PRKAR2A: variants seen among roughly 807,000 people sequenced by gnomAD.
PRKAR2A encodes the protein protein kinase cAMP-dependent type II regulatory subunit alpha.
In PRKAR2A, 29 loss-of-function variants were observed where a neutral mutation model predicts 51.9. The ratio of observed to expected loss-of-function variants is 0.56; its 90% CI spans 0.42 to 0.76. PRKAR2A has a LOEUF of 0.76. Ranked by LOEUF, PRKAR2A falls within the 30% of genes least tolerant of loss-of-function variation. PRKAR2A has a pLI of 0.00. For missense variants in PRKAR2A, 445 were observed against 512.1 expected (o/e 0.87, Z 1.26); for synonymous variants, 178 against 186.2 (o/e 0.96, Z 0.36).
chr3:48,823,941 C>G (rs148413113), intron 1 of PRKAR2A, among the ~76,000 whole-genome samples: 5 of 151,710 alleles, frequency 3.3e-5, no homozygotes, highest in Non-Finnish European at 5.9e-5. Flanking sequence ...AGAACAAGGG[C>G]CAGGGCCGGG....
At chr3:48,778,797 C>T (rs550374043) in intron 5 of PRKAR2A, among the ~76,000 whole-genome samples, 16 of 146,288 alleles carry the variant, frequency 1.1e-4, no homozygotes, top group Non-Finnish European at 1.8e-4. Flanking sequence ...GGATTACAGG[C>T]GTGAGCCACG....
rs756313030 is a variant in PRKAR2A, at chr3:48,838,488, TC to T, written c.262+8846del. Among the ~76,000 whole-genome samples the T allele has an allele frequency of 2.2e-4, 33 of 151,092 alleles. No homozygotes were observed. The East Asian group carries it at 6.3e-3, about 29-fold the overall frequency. ...TGGGCATGGTGGCACATGCCGGTAATCCCAGCTACTTAGGAGACTGAGGCAC... is the reference window on the plus strand; with the variant it reads ...TGGGCATGGTGGCACATGCCGGTAATCCAGCTACTTAGGAGACTGAGGCAC... On this transcript the variant is annotated intron_variant, in intron 1 of 10. Coordinates refer to ENST00000265563, the MANE Select transcript of PRKAR2A (RefSeq NM_004157.4).
intron 8 of PRKAR2A, among the ~76,000 whole-genome samples, chr3:48,764,480 A>G (rs2081908533): frequency 6.6e-6 from 1 of 152,202 alleles, no homozygotes; most frequent in Admixed American, 6.5e-5. Context: ...AAACACTAGA[A>G]GCCAAGGAAA....
chr3:48,847,099 G>A lies in PRKAR2A; in HGVS notation c.262+236C>T, dbSNP rs1483839255. ...CAGCGCGCACGTTTCCTTCAAGGCT[G>A]GATCTGACAAATCACTCGGTGCGCT... On this transcript the variant is annotated intron_variant, in intron 1 of 10. Transcript: ENST00000265563. This position sits in a 1 kb window ranked among gnomAD's most constrained non-coding sequence, Gnocchi z 4.4. Among the ~76,000 whole-genome samples the A allele has an allele frequency of 6.6e-6, 1 of 152,226 alleles. No homozygotes were observed. Among genetic ancestry groups the A allele is most frequent in the Admixed American group, 6.5e-5 (1 of 15,278 alleles).
chr3:48,821,069 G>GT (rs2082951616), intron 1 of PRKAR2A, among the ~76,000 whole-genome samples: 1 of 152,174 alleles, frequency 6.6e-6, no homozygotes, highest in Non-Finnish European at 1.5e-5. Context: ...AACACAGACT[G>GT]TAACAGTAGG....
intron 6 of PRKAR2A, among the ~76,000 whole-genome samples, chr3:48,766,588 TA>T: frequency 1.3e-5 from 2 of 151,576 alleles, no homozygotes; most frequent in East Asian, 3.9e-4. Context: ...AAAATAAAAA[TA>T]AAAAGTCTAC....
intron 1 of PRKAR2A, among the ~76,000 whole-genome samples, chr3:48,810,803 A>C (rs1005843587): frequency 6.6e-6 from 1 of 152,158 alleles, no homozygotes; most frequent in African/African-American, 2.4e-5. Context: ...ATTGCCTAGA[A>C]AAAGAAATTA....
intron 3 of PRKAR2A, among the ~76,000 whole-genome samples, chr3:48,791,506 A>G (rs2082385435): frequency 6.9e-6 from 1 of 145,268 alleles, no homozygotes; most frequent in African/African-American, 2.5e-5. Flanking sequence ...AGGTAGGAGA[A>G]TCGTCTGAAC....
Position 48,847,443 on chromosome 3 carries a change from C to A in PRKAR2A, c.154G>T (p.Ala52Ser). 1 of 1,579,186 alleles carries A rather than the reference C, an allele frequency of 6.3e-7. No homozygotes were observed. Among genetic ancestry groups the A allele is most frequent in the Non-Finnish European group, 8.6e-7 (1 of 1,162,578 alleles). Residue 52 changes from alanine to serine, a missense_variant, in exon 1 of 11, where the codon GCC (alanine) becomes TCC (serine). Ala to Ser is a moderately conservative substitution (Grantham distance 99, BLOSUM62 1). Transcript: ENST00000265563. This position sits in a 1 kb window ranked among gnomAD's most constrained non-coding sequence, Gnocchi z 4.4. ...CCCAGGCTCTGGCGTGGGGTGGCGG[C>A]GGGCAGGACTGAGGCTGGGGCGCGG... ...EARAPASVLP[A>S]ATPRQSLGHP...
intron 1 of PRKAR2A, among the ~76,000 whole-genome samples, chr3:48,828,689 C>T (rs1575940636): frequency 9.6e-6 from 1 of 104,562 alleles, no homozygotes; most frequent in African/African-American, 3.9e-5. Flanking sequence ...ACCCGGGCAA[C>T]AGAGCGAGCC....
intron 1 of PRKAR2A, among the ~76,000 whole-genome samples, chr3:48,812,965 C>T (rs940327656): frequency 1.3e-5 from 2 of 152,076 alleles, no homozygotes; most frequent in African/African-American, 4.8e-5. Flanking sequence ...ACATAATGCT[C>T]CGTACATATT....
chr3:48,776,975 A>G (rs2082115281), intron 5 of PRKAR2A, among the ~76,000 whole-genome samples: 1 of 152,208 alleles, frequency 6.6e-6, no homozygotes, highest in Admixed American at 6.6e-5. Flanking sequence ...TCCATTTTTG[A>G]TGTTTGATTG....
In PRKAR2A at chr3:48,805,309, C is replaced by G. The variant is rs528353852; in HGVS notation, c.298+2340G>C. Among the ~76,000 whole-genome samples the G allele has an allele frequency of 2.0e-5, 3 of 152,276 alleles. No homozygotes were observed. The South Asian group carries it at 6.2e-4, about 32-fold the overall frequency. ...ATAGAGACATTCACCCATTTCCTGT[C>G]AGTGTTACAAGGAAGGTAGAAGAGG... On this transcript the variant is annotated intron_variant, in intron 2 of 10. Coordinates refer to ENST00000265563, the MANE Select transcript of PRKAR2A (RefSeq NM_004157.4).
chr3:48,795,932 T>C (rs1211391447), intron 2 of PRKAR2A, among the ~76,000 whole-genome samples: 1 of 152,204 alleles, frequency 6.6e-6, no homozygotes, highest in Non-Finnish European at 1.5e-5. Flanking sequence ...AAATATGGAC[T>C]GGAGGAAGAA....
At chr3:48,762,846 A>T (rs1006884138) in intron 8 of PRKAR2A, among the ~76,000 whole-genome samples, 1 of 152,192 alleles carries the variant, frequency 6.6e-6, no homozygotes, top group African/African-American at 2.4e-5. Flanking sequence ...AACACGAATA[A>T]ATCTCAAAAA....
At chr3:48,794,170 A>G in intron 2 of PRKAR2A, 121 bp from the exon 3 acceptor site, 1 of 714,102 alleles carries the variant, frequency 1.4e-6, no homozygotes, top group Non-Finnish European at 2.2e-6. Flanking sequence ...TTTTTTTTTG[A>G]GACAGAGTTT....
At chr3:48,752,092 G>T in intron 10 of PRKAR2A, 84 bp downstream of exon 10, 2 of 1,477,152 alleles carry the variant, frequency 1.4e-6, no homozygotes, top group South Asian at 2.7e-5. Flanking sequence ...AGTAAAAGAT[G>T]GCAGAATATG....
intron 9 of PRKAR2A, among the ~76,000 whole-genome samples, chr3:48,754,493 T>A (rs982072190): frequency 6.6e-5 from 10 of 151,630 alleles, no homozygotes; most frequent in African/African-American, 2.4e-4. Flanking sequence ...AGCTATCACA[T>A]GGGCGCCGGT....
chr3:48,773,339 C>CTTTTTTTTTTTTTTTTTTT (rs34140561), intron 5 of PRKAR2A, among the ~76,000 whole-genome samples: 1 of 87,660 alleles, frequency 1.1e-5, no homozygotes, highest in Non-Finnish European at 2.1e-5. Context: ...ATTTTCTTTT[C>CTTTTTTTTTTTTTTTTTTT]TTTTTTTTTT....
Sources: allele counts gnomAD v4.1 joint callset (sites outside exome capture counted in the v4.1 genomes callset), GRCh38; gene constraint gnomAD v4.1.1; non-coding constraint Gnocchi (gnomAD v3.1); transcripts MANE v1.5; gene names NCBI Gene and HGNC (gene_info 2026-07-23, HGNC 2026-07-21).